KSR2: variants seen among roughly 807,000 people sequenced by gnomAD.
KSR2 encodes the protein kinase suppressor of ras 2.
Under a neutral mutation model 107.8 loss-of-function variants are expected in KSR2, and 25 were observed. The ratio of observed to expected loss-of-function variants is 0.23; its 90% CI spans 0.17 to 0.32. The LOEUF is 0.32. KSR2 is among the 10% of genes least tolerant of loss of function. The pLI is 1.00. For missense variants in KSR2, 887 were observed against 1,268.9 expected (o/e 0.70, Z 4.57); for synonymous variants, 480 against 507.0 (o/e 0.95, Z 0.71).
chr12:117,762,762 A>G (rs7978047), intron 3 of KSR2, among the ~76,000 whole-genome samples: 30,328 of 151,842 alleles, frequency 0.2, 4,411 homozygotes, highest in African/African-American at 0.41. Context: ...AGCTACTCAG[A>G]AGGCTGAGGC....
intron 5 of KSR2, among the ~76,000 whole-genome samples, chr12:117,596,659 C>A (rs1209178283): frequency 6.6e-6 from 1 of 152,114 alleles, no homozygotes; most frequent in Non-Finnish European, 1.5e-5. Context: ...CGCAACAGAA[C>A]CCAAAACATT....
rs1885389503 is a variant in KSR2, at chr12:117,682,166, G to A, written c.987-14508C>T. Among the ~76,000 whole-genome samples, 3 of 152,144 alleles carry A rather than the reference G, an allele frequency of 2.0e-5. 1 individual carries two copies. Among genetic ancestry groups the A allele is most frequent in the South Asian group, 4.1e-4 (2 of 4,822 alleles). On this transcript the variant is annotated intron_variant, in intron 4 of 19. Coordinates refer to ENST00000339824, the MANE Select transcript of KSR2 (RefSeq NM_173598.6). ...CATTATCCTCAGCAAACTAATGCAG[G>A]AACACAGAACCAAACACCACATGTT... is the stretch of plus-strand genomic sequence containing the variant.
At chr12:117,539,258 C>T (rs1218083618) in intron 10 of KSR2, among the ~76,000 whole-genome samples, 2 of 152,204 alleles carry the variant, frequency 1.3e-5, no homozygotes, top group African/African-American at 4.8e-5. Flanking sequence ...TGGGTTAAGA[C>T]TCAGTATGCA....
At chr12:117,537,003 A>G (rs1265015384) in intron 10 of KSR2, among the ~76,000 whole-genome samples, 1 of 152,274 alleles carries the variant, frequency 6.6e-6, no homozygotes, top group Admixed American at 6.5e-5. Flanking sequence ...ACCTGAGGTC[A>G]GGAGTTCGAG....
At chr12:117,521,340 G>C (rs1874745822) in intron 14 of KSR2, among the ~76,000 whole-genome samples, 1 of 152,200 alleles carries the variant, frequency 6.6e-6, no homozygotes, top group Non-Finnish European at 1.5e-5. Context: ...GCTTCCACCT[G>C]CTCATTTTAC....
chr12:117,724,582 C>A (rs1887341689), intron 4 of KSR2, among the ~76,000 whole-genome samples: 2 of 57,460 alleles, frequency 3.5e-5, no homozygotes, highest in African/African-American at 1.3e-4. Context: ...AAACCTGCCC[C>A]CCCACCCCCG....
intron 7 of KSR2, among the ~76,000 whole-genome samples, chr12:117,566,402 G>A (rs1193894708): frequency 6.6e-6 from 1 of 152,186 alleles, no homozygotes; most frequent in Admixed American, 6.5e-5. Context: ...TTACAGGCGT[G>A]AGCCACTGCG....
chr12:117,549,243 G>A (rs893399747), intron 9 of KSR2, among the ~76,000 whole-genome samples: 4 of 152,172 alleles, frequency 2.6e-5, no homozygotes, highest in African/African-American at 9.7e-5. Flanking sequence ...TTATGACTAT[G>A]ATATAGAAAG....
At chr12:117,531,741 C>T in intron 10 of KSR2, 34 bp from the exon 11 acceptor site, 1 of 1,560,296 alleles carries the variant, frequency 6.4e-7, no homozygotes, top group Non-Finnish European at 8.7e-7. Context: ...AAGTGAGTGT[C>T]CCCAGGGAGA....
chr12:117,779,464 G>C (rs1463335717), intron 3 of KSR2, among the ~76,000 whole-genome samples: 2 of 152,078 alleles, frequency 1.3e-5, no homozygotes, highest in Non-Finnish European at 1.5e-5. Context: ...CTCTTCTTAG[G>C]GTGAACATGA....
intron 5 of KSR2, among the ~76,000 whole-genome samples, chr12:117,610,638 C>T (rs1431924529): frequency 6.7e-6 from 1 of 150,062 alleles, no homozygotes. Context: ...ACTTGGAAGG[C>T]TGAGGTGGGA....
chr12:117,870,601 AAAAAG>A (rs1330258453), intron 1 of KSR2, among the ~76,000 whole-genome samples: 1 of 149,516 alleles, frequency 6.7e-6, no homozygotes, highest in Non-Finnish European at 1.5e-5. Context: ...ACACTGTCTC[AAAAAG>A]AAAAGAAAAG....
Position 117,582,285 on chromosome 12 carries a change from C to T in KSR2, c.1241+5G>A. ...GGCACCAGTGCACACAGGAATCCAG[C>T]CTACCTGTGCTTGATGGAGTTGCCG... On this transcript the variant is annotated splice_donor_5th_base_variant and intron_variant, in intron 6 of 19. Transcript: ENST00000339824. 2 of 1,612,966 alleles carry T rather than the reference C, an allele frequency of 1.2e-6. No homozygotes were observed. Among genetic ancestry groups the T allele is most frequent in the Non-Finnish European group, 1.7e-6 (2 of 1,179,032 alleles).
At chr12:117,574,969 A>C (rs1055668270) in intron 7 of KSR2, among the ~76,000 whole-genome samples, 1 of 151,892 alleles carries the variant, frequency 6.6e-6, no homozygotes, top group African/African-American at 2.4e-5. Flanking sequence ...TTCAGAGGAC[A>C]GGAAATGACC....
At chr12:117,628,603 G>A (rs189681993) in intron 5 of KSR2, among the ~76,000 whole-genome samples, 1 of 152,260 alleles carries the variant, frequency 6.6e-6, no homozygotes, top group African/African-American at 2.4e-5. Context: ...CCACCTATAT[G>A]AGATGTCTGT....
At chr12:117,833,230 G>A (rs923406071) in intron 3 of KSR2, among the ~76,000 whole-genome samples, 5 of 152,168 alleles carry the variant, frequency 3.3e-5, no homozygotes, top group Non-Finnish European at 5.9e-5. Context: ...AAAATCAAAG[G>A]AAGTCATCCA....
intron 5 of KSR2, among the ~76,000 whole-genome samples, chr12:117,653,488 A>C (rs1883990144): frequency 6.6e-6 from 1 of 152,256 alleles, no homozygotes; most frequent in Non-Finnish European, 1.5e-5. Flanking sequence ...TCTGCAAGAT[A>C]TCACACTGGT....
intron 5 of KSR2, among the ~76,000 whole-genome samples, chr12:117,624,175 T>G (rs1401359122): frequency 6.6e-6 from 1 of 152,234 alleles, no homozygotes; most frequent in Non-Finnish European, 1.5e-5. Context: ...TTTTGTAGGT[T>G]GCCTGTTCAC....
chr12:117,957,630 T>C, intron 1 of KSR2, among the ~76,000 whole-genome samples: 1 of 152,108 alleles, frequency 6.6e-6, no homozygotes, highest in East Asian at 1.9e-4. Context: ...GACTTCCTAG[T>C]TTTCTACTCA....
Sources: allele counts gnomAD v4.1 joint callset (sites outside exome capture counted in the v4.1 genomes callset), GRCh38; gene constraint gnomAD v4.1.1; transcripts MANE v1.5; gene names NCBI Gene and HGNC (gene_info 2026-07-23, HGNC 2026-07-21).